PALLD: variants seen among roughly 807,000 people sequenced by gnomAD.
The protein encoded by PALLD is palladin.
In PALLD, 61 loss-of-function variants were observed where a neutral mutation model predicts 123.5. That is an observed-to-expected ratio of 0.49 (90% CI 0.40 to 0.61). The LOEUF is 0.61. PALLD is among the 20% of genes least tolerant of loss of function. The pLI, the probability that PALLD is intolerant of heterozygous loss-of-function variation, is 0.00. For synonymous variants in PALLD, 465 were observed against 496.4 expected (o/e 0.94, Z 0.84); for missense variants, 1,273 against 1,377.0 (o/e 0.92, Z 1.20).
intron 10 of PALLD, among the ~76,000 whole-genome samples, chr4:168,832,390 C>T (rs1744386621): frequency 6.6e-6 from 1 of 151,876 alleles, no homozygotes; most frequent in Non-Finnish European, 1.5e-5. Flanking sequence ...GAAAGCGGAG[C>T]TCCAGATAGG....
intron 14 of PALLD, among the ~76,000 whole-genome samples, chr4:168,899,994 A>G (rs58047135): frequency 0.051 from 7,698 of 152,272 alleles, 627 homozygotes; most frequent in African/African-American, 0.17. Context: ...TAGTACCAGA[A>G]TCTTCTCCTG....
chr4:168,691,277 T>A lies in PALLD; in HGVS notation c.1486T>A (p.Ser496Thr). Residue 496 changes from serine to threonine, a missense_variant, in exon 8 of 22, where the codon TCT becomes ACT. Physicochemically the swap from Ser to Thr is moderately conservative, Grantham distance 58 (BLOSUM62 1). This residue lies in a region of PALLD where 944 missense variants were observed against 954.5 expected (regional missense o/e 0.99). Coordinates refer to ENST00000505667, the MANE Select transcript of PALLD (RefSeq NM_001166108.2). ...DFRILQKKPRSTAEPEEICTL... is the reference protein window; with the variant it reads ...DFRILQKKPRTTAEPEEICTL... ...TTTCATGTGGCAAACAGAACCTAGA[T>A]CTACAGCTGAACCTGGTAAGAATAT... 6.2e-7 allele frequency: 1 copy of A among 1,610,602 alleles called. No individual in the cohort carries two copies. Among genetic ancestry groups the A allele is most frequent in the Non-Finnish European group, 8.5e-7 (1 of 1,177,398 alleles).
chr4:168,499,240 G>A (rs945905050), intron 1 of PALLD, among the ~76,000 whole-genome samples: 1 of 129,126 alleles, frequency 7.7e-6, no homozygotes, highest in Non-Finnish European at 1.6e-5. Context: ...GGGGAAGAAG[G>A]AAGGGAGAAG....
At position 168,677,429 on chromosome 4, in the gene PALLD, T is replaced by C. The variant is rs183903946; in HGVS notation, c.1088-3903T>C. ...GTTTATTCAGGGGGCCCCAGCCTTTTTGGCCCCTTTTTCCTTTGAAAATCA... is the reference window on the plus strand; with the variant it reads ...GTTTATTCAGGGGGCCCCAGCCTTTCTGGCCCCTTTTTCCTTTGAAAATCA... On this transcript the variant is annotated intron_variant, in intron 3 of 21. Transcript: ENST00000505667. Among the ~76,000 whole-genome samples, 649 of 152,310 alleles carry C rather than the reference T, an allele frequency of 4.3e-3. 3 individuals are homozygous for C. Among genetic ancestry groups the C allele is most frequent in the African/African-American group, 0.015 (615 of 41,556 alleles).
At chr4:168,716,177 T>C (rs1279884687) in intron 10 of PALLD, among the ~76,000 whole-genome samples, 1 of 152,126 alleles carries the variant, frequency 6.6e-6, no homozygotes, top group Admixed American at 6.5e-5. Flanking sequence ...TCTTCTTCCT[T>C]TGTCTTGTGG....
chr4:168,794,489 T>TGCAC (rs1303098736), intron 10 of PALLD, among the ~76,000 whole-genome samples: 31 of 132,596 alleles, frequency 2.3e-4, no homozygotes, highest in Non-Finnish European at 3.7e-4. Context: ...CACACACACA[T>TGCAC]GCACGCACAC....
rs10030433 is a variant in PALLD, at chr4:168,731,922, T to C, written c.1964+19999T>C. Among the ~76,000 whole-genome samples the C allele has an allele frequency of 0.031, 4,750 of 152,252 alleles. 341 individuals are homozygous for C. In the East Asian group the frequency reaches 0.32, roughly 10 times the overall value. ...AGTGGTTCTTTTGTGCAAATTTAGA[T>C]ATGAAATCATGCAGAAAACACTTAA... is the stretch of plus-strand genomic sequence containing the variant. On this transcript the variant is annotated intron_variant, in intron 10 of 21. Transcript: ENST00000505667.
intron 10 of PALLD, among the ~76,000 whole-genome samples, chr4:168,743,246 T>G (rs1788537533): frequency 1.3e-5 from 2 of 152,222 alleles, no homozygotes; most frequent in Admixed American, 6.5e-5. Flanking sequence ...ATGGGTGGAT[T>G]GAATTCATTG....
intron 2 of PALLD, among the ~76,000 whole-genome samples, chr4:168,604,422 C>A (rs1772966068): frequency 6.6e-6 from 1 of 152,154 alleles, no homozygotes; most frequent in Non-Finnish European, 1.5e-5. Context: ...ATACATGGAA[C>A]ACGTAACATG....
intron 11 of PALLD, chr4:168,894,070 T>C (rs1370174698): frequency 1.2e-5 from 2 of 171,392 alleles, no homozygotes; most frequent in Non-Finnish European, 1.3e-5. Flanking sequence ...AAACATTTAC[T>C]GAGCACATAC....
chr4:168,907,836 AG>A (rs1483882203), intron 15 of PALLD, among the ~76,000 whole-genome samples: 1 of 152,146 alleles, frequency 6.6e-6, no homozygotes, highest in Non-Finnish European at 1.5e-5. Flanking sequence ...GTCTATCAAA[AG>A]GAGAAAAAAA....
chr4:168,512,086 T>C lies in PALLD; in HGVS notation c.582T>C (p.Asn194=). ...CAAAGCCAAGAAACAGAAGCCCAAA[T>C]GGGGAGTCCTCGTCACCAGACAGTG... ...KAAKPRNRSP[N]GESSSPDSGY... Residue 194 remains asparagine (N), a synonymous_variant, in exon 2 of 22, where the codon AAT becomes AAC. Coordinates refer to ENST00000505667, the MANE Select transcript of PALLD (RefSeq NM_001166108.2). 6.2e-7 allele frequency: 1 copy of C among 1,614,090 alleles called. No homozygotes were observed. Among genetic ancestry groups the C allele is most frequent in the South Asian group, 1.1e-5 (1 of 91,082 alleles).
At chr4:168,898,777 C>T (rs1469967195) in intron 14 of PALLD, 63 bp downstream of exon 14, 46 of 991,078 alleles carry the variant, frequency 4.6e-5, no homozygotes, top group Non-Finnish European at 4.2e-5. Flanking sequence ...GCTTCCAAAA[C>T]ATAGCATGCC....
At chr4:168,681,024 CAT>C (rs1265631197) in intron 3 of PALLD, among the ~76,000 whole-genome samples, 1 of 152,116 alleles carries the variant, frequency 6.6e-6, no homozygotes, top group Non-Finnish European at 1.5e-5. Flanking sequence ...ATCTTTATTT[CAT>C]AGTTTATAGC....
chr4:168,916,799 T>C (rs1760214001), intron 17 of PALLD, among the ~76,000 whole-genome samples: 1 of 150,726 alleles, frequency 6.6e-6, no homozygotes, highest in South Asian at 2.1e-4. Context: ...GCCTCCTGAG[T>C]AGCTGCGATT....
intron 10 of PALLD, among the ~76,000 whole-genome samples, chr4:168,780,237 C>T (rs902680470): frequency 3.0e-4 from 46 of 152,206 alleles, no homozygotes; most frequent in African/African-American, 1.1e-3. Flanking sequence ...TGTTAGCACT[C>T]TCTGTGCCAA....
At chr4:168,917,099 A>T (rs567574315) in intron 17 of PALLD, among the ~76,000 whole-genome samples, 28 of 132,012 alleles carry the variant, frequency 2.1e-4, no homozygotes, top group Non-Finnish European at 3.9e-4. Flanking sequence ...CCCAGGCTGG[A>T]GTGCAGTGGT....
At chr4:168,874,925 A>C (rs1751538656) in intron 10 of PALLD, among the ~76,000 whole-genome samples, 1 of 152,092 alleles carries the variant, frequency 6.6e-6, no homozygotes, top group Non-Finnish European at 1.5e-5. Context: ...TATGGAGGAG[A>C]GCGGGGAAAA....
intron 2 of PALLD, among the ~76,000 whole-genome samples, chr4:168,515,206 T>C (rs1365242419): frequency 2.0e-5 from 3 of 152,232 alleles, no homozygotes; most frequent in African/African-American, 7.2e-5. Context: ...TATTTGTAAG[T>C]GCACCAGACG....
Sources: gnomAD v4.1 joint callset for allele counts (sites outside exome capture counted in the v4.1 genomes callset) on GRCh38, gnomAD v4.1.1 for gene constraint, gnomAD v4.1.1 regional missense constraint, MANE v1.5 for transcripts, NCBI Gene and HGNC (gene_info 2026-07-23, HGNC 2026-07-21) for gene names.